The following TRMT44 variants were observed in gnomAD, a reference collection of about 807,000 sequenced individuals.
TRMT44 encodes the protein tRNA methyltransferase 44 homolog, also known as probable tRNA (uracil-O(2)-)-methyltransferase.
A neutral mutation model predicts 77.3 loss-of-function variants in TRMT44; 78 were observed. The observed-to-expected ratio is 1.01, with a 90% CI of 0.84 to 1.22. TRMT44 has a LOEUF of 1.22. Among genes scored for constraint, TRMT44 ranks in the 50% most tolerant of loss-of-function variants. The probability of loss-of-function intolerance (pLI) is 0.00; values close to 1 mark genes in which losing one functional copy is unlikely to be tolerated. For missense variants in TRMT44, 1,090 were observed against 964.4 expected (o/e 1.13, Z -1.73); for synonymous variants, 391 against 383.3 (o/e 1.02, Z -0.23).
chr4:8,465,667 C>T (rs924614467), intron 8 of TRMT44, 106 bp downstream of exon 8: 1 of 1,015,946 alleles, frequency 9.8e-7, no homozygotes, highest in Non-Finnish European at 1.4e-6. Flanking sequence ...TCAAAATGTT[C>T]TAGAACGTGC....
At chr4:8,507,257 G>GC in the TRMT44 span, 1 of 152,308 alleles carries the variant, frequency 6.6e-6, no homozygotes, top group African/African-American at 2.4e-5. Flanking sequence ...CACCATGGGG[G>GC]CCCCCGACCA....
chr4:8,480,131 C>G (rs1215459595), downstream of TRMT44, among the ~76,000 whole-genome samples: 2 of 152,178 alleles, frequency 1.3e-5, no homozygotes, highest in Non-Finnish European at 2.9e-5. Flanking sequence ...TCACATGGGT[C>G]TGCAGCAGCC....
downstream of TRMT44, chr4:8,477,137 G>A (rs1727431428): frequency 6.6e-6 from 1 of 152,254 alleles, no homozygotes; most frequent in Non-Finnish European, 1.5e-5. Context: ...GTGTACCCTG[G>A]TGCCTCTCCA....
intron 2 of TRMT44, among the ~76,000 whole-genome samples, chr4:8,484,177 G>T (rs562424174): frequency 6.6e-6 from 1 of 152,296 alleles, no homozygotes; most frequent in African/African-American, 2.4e-5. Context: ...TGTGATCAGG[G>T]TGAGGAACAG....
chr4:8,490,601 C>T (rs1231852772), intron 2 of TRMT44, among the ~76,000 whole-genome samples: 3 of 150,826 alleles, frequency 2.0e-5, no homozygotes, highest in Admixed American at 6.6e-5. Flanking sequence ...CCCGTGGGCT[C>T]GTGGTCTCTC....
chr4:8,454,739 C>T lies in TRMT44; in HGVS notation c.1132-3C>T, dbSNP rs1212003328. 6.2e-7 allele frequency: 1 copy of T among 1,614,050 alleles called. No homozygotes were observed. The highest frequency in any genetic ancestry group is 1.7e-5 in the Admixed American group (1 of 60,010). ...CTTTGATTTCTAAAATTAATTTTTTCAGCATCCAGGCAGAGGGATTGATGT... is the reference window on the plus strand; with the variant it reads ...CTTTGATTTCTAAAATTAATTTTTTTAGCATCCAGGCAGAGGGATTGATGT... On this transcript the variant is annotated splice_polypyrimidine_tract_variant and splice_region_variant and intron_variant, in intron 5 of 10. Coordinates refer to ENST00000389737, the MANE Select transcript of TRMT44 (RefSeq NM_152544.3).
Position 8,452,902 on chromosome 4 carries a change from G to A in TRMT44, c.1044G>A (p.Arg348=). The A allele has an allele frequency of 1.3e-6, 2 of 1,532,006 alleles. No homozygotes were observed. The highest frequency in any genetic ancestry group is 1.7e-6 in the Non-Finnish European group (2 of 1,144,720). The allele number at this position is 1,532,006 out of a possible 1,614,324, so 94.9% of individuals were successfully genotyped here. A position where few individuals can be genotyped will look rare whatever the true frequency, so the allele number is the denominator to read the frequency against. The change falls in exon 5 of 11, where the codon AGG becomes AGA. Residue 348 remains arginine (R), a synonymous_variant. Coordinates refer to ENST00000389737, the MANE Select transcript of TRMT44 (RefSeq NM_152544.3). The surrounding 1 kb of genome is among the most constrained non-coding windows in gnomAD (Gnocchi z 5.7). ...AYLLILWEEE[R]AERRLTARQS... is the part of the protein sequence containing the mutation. ...CTTAGATTCTATGGGAAGAAGAAAG[G>A]GCTGAGAGGAGACTAACTGCCAGGC...
At position 8,465,578 on chromosome 4, in the gene TRMT44, T is replaced by A; in HGVS notation, c.1494+17T>A. 1 of 1,605,496 alleles carries A rather than the reference T, an allele frequency of 6.2e-7. No homozygotes were observed. The stretch of plus-strand genomic sequence containing the variant: ...ACCAAAAGAGTATGTCTGATTCTCA[T>A]GTTGTTCTAGGCGGTGTGTCGGTGT... On this transcript the variant is annotated intron_variant, in intron 8 of 10. Coordinates refer to ENST00000389737, the MANE Select transcript of TRMT44 (RefSeq NM_152544.3).
intron 6 of TRMT44, among the ~76,000 whole-genome samples, chr4:8,458,059 G>A (rs1725922250): frequency 6.7e-6 from 1 of 149,692 alleles, no homozygotes; most frequent in Non-Finnish European, 1.5e-5. Flanking sequence ...GACAGTGCCA[G>A]AAAGCAAATT....
the TRMT44 span, among the ~76,000 whole-genome samples, chr4:8,514,570 T>C: frequency 6.6e-6 from 1 of 151,946 alleles, no homozygotes; most frequent in Non-Finnish European, 1.5e-5. Context: ...AGCCACTGCG[T>C]GCACTACCTT....
rs1726169175 is a variant in TRMT44 at position 8,461,751 on chromosome 4, T to G, written c.1204-2234T>G. 2.6e-5 allele frequency among the ~76,000 whole-genome samples: 4 copies of G among 152,140 alleles called. No individual in the cohort carries two copies. In the South Asian group the frequency reaches 8.3e-4, roughly 32 times the overall value. The stretch of plus-strand genomic sequence containing the variant: ...GCTAAAATAGCCATGTTTATTCTAG[T>G]GTTAAATAAATGCCAGGAGTTCTGT... On this transcript the variant is annotated intron_variant, in intron 6 of 10. Transcript: ENST00000389737. This position sits in a 1 kb window ranked among gnomAD's most constrained non-coding sequence, Gnocchi z 4.6.
intron 5 of TRMT44, among the ~76,000 whole-genome samples, chr4:8,453,259 G>T (rs1725572255): frequency 6.6e-6 from 1 of 152,194 alleles, no homozygotes. Context: ...TAGCATGGAT[G>T]TTTTTTTGCT....
At chr4:8,471,647 T>C (rs1727007540) in intron 10 of TRMT44, among the ~76,000 whole-genome samples, 1 of 152,218 alleles carries the variant, frequency 6.6e-6, no homozygotes, top group Non-Finnish European at 1.5e-5. Context: ...GGCGGAGGCC[T>C]GGACTCCTGT....
At chr4:8,455,573 C>CT (rs1393423479) in intron 6 of TRMT44, among the ~76,000 whole-genome samples, 2 of 152,228 alleles carry the variant, frequency 1.3e-5, no homozygotes, top group Admixed American at 6.5e-5. Context: ...GATAATCACT[C>CT]TCTTTTATTT....
At chr4:8,463,271 C>G (rs1474303061) in intron 6 of TRMT44, among the ~76,000 whole-genome samples, 2 of 152,144 alleles carry the variant, frequency 1.3e-5, no homozygotes, top group Non-Finnish European at 2.9e-5. Flanking sequence ...GACAGAATTG[C>G]TATTGAAACT....
At chr4:8,507,687 G>T in the TRMT44 span, among the ~76,000 whole-genome samples, 3 of 152,182 alleles carry the variant, frequency 2.0e-5, no homozygotes, top group African/African-American at 7.2e-5. Context: ...CCTGGGTCCT[G>T]CCCCTGGTCA....
rs984734883 is a variant in TRMT44 at position 8,452,182 on chromosome 4, A to G, written c.1023+154A>G. Reference sequence around the variant, plus strand: ...GTTTCTCGTGTAATGGTTTGACTTCATGTGGTCCTTTTGATGCGTATACAA... The same window carrying G: ...GTTTCTCGTGTAATGGTTTGACTTCGTGTGGTCCTTTTGATGCGTATACAA... On this transcript the variant is annotated intron_variant, in intron 4 of 10. Transcript: ENST00000389737. The surrounding 1 kb of genome is among the most constrained non-coding windows in gnomAD (Gnocchi z 5.7). Among the ~76,000 whole-genome samples, 4 of 152,176 alleles carry G rather than the reference A, an allele frequency of 2.6e-5. No individual in the cohort carries two copies. The highest frequency in any genetic ancestry group is 9.7e-5 in the African/African-American group (4 of 41,446).
downstream of TRMT44, among the ~76,000 whole-genome samples, chr4:8,497,923 G>A (rs556201374): frequency 5.9e-5 from 9 of 151,274 alleles, no homozygotes; most frequent in East Asian, 1.9e-4. Context: ...GGGCTGGCGT[G>A]GGGGGGGCTG....
the TRMT44 span, among the ~76,000 whole-genome samples, chr4:8,500,483 G>A: frequency 2.0e-5 from 3 of 151,884 alleles, no homozygotes; most frequent in Non-Finnish European, 2.9e-5. Flanking sequence ...GCAACAGAGC[G>A]AGACTCCCTC....
Sources: allele counts gnomAD v4.1 joint callset (sites outside exome capture counted in the v4.1 genomes callset), GRCh38; gene constraint gnomAD v4.1.1; non-coding constraint Gnocchi (gnomAD v3.1); transcripts MANE v1.5; gene names NCBI Gene and HGNC (gene_info 2026-07-23, HGNC 2026-07-21).